OR2L13: variants seen among roughly 807,000 people sequenced by gnomAD.
OR2L13 encodes olfactory receptor family 2 subfamily L member 13, also known as olfactory receptor 2L13.
A neutral mutation model predicts 15.3 loss-of-function variants in OR2L13; 14 were observed. The observed-to-expected ratio is 0.91, with a 90% CI of 0.60 to 1.43. OR2L13 has a LOEUF of 1.43. Among genes scored for constraint, OR2L13 ranks in the 40% most tolerant of loss-of-function variants. The pLI is 0.00. For missense variants in OR2L13, 367 were observed against 387.9 expected (o/e 0.95, Z 0.45); for synonymous variants, 152 against 142.9 (o/e 1.06, Z -0.45).
the OR2L13 span, among the ~76,000 whole-genome samples, chr1:247,963,470 A>C: frequency 6.6e-6 from 1 of 152,094 alleles, no homozygotes; most frequent in African/African-American, 2.4e-5. Flanking sequence ...TTATCAGTGG[A>C]GTCTTTGTTC....
At chr1:248,007,533 T>C in the OR2L13 span, among the ~76,000 whole-genome samples, 1 of 152,212 alleles carries the variant, frequency 6.6e-6, no homozygotes, top group East Asian at 1.9e-4. Context: ...TTTATGAGAA[T>C]ATACACAAGA....
chr1:248,092,989 G>A (rs1664635260), upstream of OR2L13, among the ~76,000 whole-genome samples: 1 of 152,190 alleles, frequency 6.6e-6, no homozygotes, highest in African/African-American at 2.4e-5. Flanking sequence ...GATGCTGAGA[G>A]GGGCTGAGCC....
the OR2L13 span, chr1:248,038,475 C>G: frequency 6.2e-7 from 1 of 1,613,720 alleles, no homozygotes; most frequent in African/African-American, 1.3e-5. Flanking sequence ...CCTCATTGAC[C>G]TAAATTACAT....
chr1:247,977,065 G>T, the OR2L13 span, among the ~76,000 whole-genome samples: 4 of 152,076 alleles, frequency 2.6e-5, no homozygotes, highest in Non-Finnish European at 5.9e-5. Flanking sequence ...AATAACATGT[G>T]TCATCACAAT....
the OR2L13 span, among the ~76,000 whole-genome samples, chr1:248,073,428 A>C: frequency 6.6e-6 from 1 of 152,006 alleles, no homozygotes; most frequent in African/African-American, 2.4e-5. Flanking sequence ...TTGAACATTA[A>C]GAATACATGG....
chr1:248,003,513 C>A, the OR2L13 span: 19 of 1,612,246 alleles, frequency 1.2e-5, no homozygotes, highest in Non-Finnish European at 1.5e-5. Flanking sequence ...ATTTGCTTTC[C>A]TCTCCACTAT....
At chr1:248,049,561 C>A in the OR2L13 span, among the ~76,000 whole-genome samples, 2 of 152,066 alleles carry the variant, frequency 1.3e-5, no homozygotes, top group African/African-American at 4.8e-5. Context: ...AACCATTTTT[C>A]TGTGAAGCTA....
the OR2L13 span, chr1:247,948,967 C>G: frequency 1.2e-6 from 2 of 1,613,746 alleles, no homozygotes; most frequent in African/African-American, 1.3e-5. Context: ...TTCCTGATGG[C>G]TCTAATTGGA....
At chr1:248,065,251 G>A in the OR2L13 span, among the ~76,000 whole-genome samples, 3 of 151,958 alleles carry the variant, frequency 2.0e-5, no homozygotes, top group African/African-American at 7.3e-5. Context: ...ATTCTTTCAT[G>A]TCCTCAGGCT....
the OR2L13 span, chr1:248,060,620 A>G: frequency 7.3e-7 from 1 of 1,361,302 alleles, no homozygotes; most frequent in Non-Finnish European, 1.0e-6. Context: ...GCAGATAAAG[A>G]CGAATTTCTG....
the OR2L13 span, among the ~76,000 whole-genome samples, chr1:248,077,402 G>C: frequency 1.3e-5 from 2 of 152,216 alleles, no homozygotes; most frequent in East Asian, 3.9e-4. Context: ...GATTGGAACA[G>C]TTTCAGAAGG....
chr1:247,997,509 T>A, the OR2L13 span, among the ~76,000 whole-genome samples: 1 of 152,182 alleles, frequency 6.6e-6, no homozygotes, highest in African/African-American at 2.4e-5. Context: ...GTGTTTCTAT[T>A]AAATTAACCT....
At chr1:247,983,331 G>A in the OR2L13 span, among the ~76,000 whole-genome samples, 3 of 152,042 alleles carry the variant, frequency 2.0e-5, no homozygotes, top group Non-Finnish European at 4.4e-5. Context: ...GCCAGACGTC[G>A]CCCGGGTTGA....
chr1:248,054,441 A>G, the OR2L13 span, among the ~76,000 whole-genome samples: 1 of 152,146 alleles, frequency 6.6e-6, no homozygotes. Context: ...TTGGTTCCAT[A>G]TGATTTTAAA....
At chr1:247,949,077 T>G in the OR2L13 span, 4 of 1,613,840 alleles carry the variant, frequency 2.5e-6, no homozygotes, top group Non-Finnish European at 3.4e-6. Context: ...AAATTACATC[T>G]CCACCATTGT....
At chr1:248,062,020 G>T in the OR2L13 span, 2 of 162,862 alleles carry the variant, frequency 1.2e-5, no homozygotes, top group Admixed American at 5.8e-5. Flanking sequence ...CAAAAAATAA[G>T]TCTCTTGACT....
the OR2L13 span, among the ~76,000 whole-genome samples, chr1:247,979,411 GTTTGGTT>G: frequency 6.6e-6 from 1 of 152,120 alleles, no homozygotes; most frequent in East Asian, 1.9e-4. Context: ...AATATGTGGT[GTTTGGTT>G]TTCTGTCCTT....
At chr1:247,987,293 A>C in the OR2L13 span, among the ~76,000 whole-genome samples, 1 of 152,186 alleles carries the variant, frequency 6.6e-6, no homozygotes, top group Admixed American at 6.6e-5. Flanking sequence ...GGCTTTCTAC[A>C]TATATAGTTA....
chr1:248,058,018 A>G, the OR2L13 span, among the ~76,000 whole-genome samples: 2 of 152,202 alleles, frequency 1.3e-5, no homozygotes, highest in African/African-American at 4.8e-5. Context: ...GTAGATGCAG[A>G]GAAAGTGGAC....
Sources: allele counts gnomAD v4.1 joint callset (sites outside exome capture counted in the v4.1 genomes callset), GRCh38; gene constraint gnomAD v4.1.1; transcripts MANE v1.5; gene names NCBI Gene and HGNC (gene_info 2026-07-23, HGNC 2026-07-21).